Variants in MARVELD2 observed in about 807,000 individuals in gnomAD.
MARVELD2 encodes MARVEL domain-containing protein 2.
A neutral mutation model predicts 57.6 loss-of-function variants in MARVELD2; 49 were observed. That is an observed-to-expected ratio of 0.85 (90% CI 0.68 to 1.08). The LOEUF is 1.08. MARVELD2 is among the 50% of genes least tolerant of loss of function. The probability of loss-of-function intolerance (pLI) is 0.00; values close to 1 mark genes in which losing one functional copy is unlikely to be tolerated. For missense variants in MARVELD2, 606 were observed against 701.1 expected (o/e 0.86, Z 1.53); for synonymous variants, 238 against 258.8 (o/e 0.92, Z 0.77).
At chr5:69,436,339 C>T (rs560305714) in intron 5 of MARVELD2, among the ~76,000 whole-genome samples, 8 of 147,326 alleles carry the variant, frequency 5.4e-5, no homozygotes, top group African/African-American at 7.5e-5. Flanking sequence ...CCAGCCTGGG[C>T]GACAGAGCCA....
rs750882265 is a variant in MARVELD2, at chr5:69,420,276, C to T, written c.891C>T (p.Asn297=). The T allele has an allele frequency of 6.8e-6, 11 of 1,614,144 alleles. No individual in the cohort carries two copies. In the East Asian group the frequency reaches 1.6e-4, roughly 23 times the overall value. ...NWWPLTEFGI[N]VALFILYMAA... is the part of the protein sequence containing the mutation. Reference sequence around the variant, plus strand: ...GGCCCCTAACTGAATTTGGAATTAACGTTGCCTTGTTTATTTTGTATATGG... The same window carrying T: ...GGCCCCTAACTGAATTTGGAATTAATGTTGCCTTGTTTATTTTGTATATGG... Residue 297 remains asparagine, a synonymous_variant, in exon 2 of 7, where the codon AAC becomes AAT. Coordinates refer to ENST00000325631, the MANE Select transcript of MARVELD2 (RefSeq NM_001038603.3).
At chr5:69,431,712 T>C (rs144308283) in intron 3 of MARVELD2, among the ~76,000 whole-genome samples, 2 of 152,180 alleles carry the variant, frequency 1.3e-5, no homozygotes, top group African/African-American at 2.4e-5. Context: ...CCCTTAGCTA[T>C]TACAGAAACG....
At position 69,420,157 on chromosome 5, in the gene MARVELD2, G is replaced by A. The variant is rs538355586; in HGVS notation, c.772G>A (p.Val258Met). ...TGGCCCTAAGACCCCTTTTGTACTCGTGGTTGCTGGATTAGCTTGGATCAC... is the reference window on the plus strand; with the variant it reads ...TGGCCCTAAGACCCCTTTTGTACTCATGGTTGCTGGATTAGCTTGGATCAC... ...YTGPKTPFVLVVAGLAWITTI... is the reference protein window; with the variant it reads ...YTGPKTPFVLMVAGLAWITTI... The change falls in exon 2 of 7, where the codon GTG (valine) becomes ATG (methionine). Residue 258 changes from valine (V) to methionine (M), a missense_variant. Coordinates refer to ENST00000325631, the MANE Select transcript of MARVELD2 (RefSeq NM_001038603.3). 1.1e-5 allele frequency: 18 copies of A among 1,614,134 alleles called. No homozygotes were observed. The highest frequency in any genetic ancestry group is 6.7e-5 in the East Asian group (3 of 44,882).
chr5:69,437,112 C>G (rs1291646495), intron 5 of MARVELD2, among the ~76,000 whole-genome samples: 1 of 151,696 alleles, frequency 6.6e-6, no homozygotes, highest in Non-Finnish European at 1.5e-5. Context: ...TTGCTTGAAC[C>G]CGGGAGTCGG....
intron 2 of MARVELD2, among the ~76,000 whole-genome samples, chr5:69,420,791 G>A (rs1353000458): frequency 6.6e-6 from 1 of 151,800 alleles, no homozygotes; most frequent in African/African-American, 2.4e-5. Context: ...TATATAGTTT[G>A]TTGGCTGCAT....
intron 5 of MARVELD2, among the ~76,000 whole-genome samples, chr5:69,437,018 G>A (rs150214217): frequency 2.3e-3 from 344 of 151,514 alleles, no homozygotes; most frequent in African/African-American, 7.9e-3. Context: ...GTGAAACCGC[G>A]TCTCTACTAA....
chr5:69,421,582 A>G (rs1316929098), intron 2 of MARVELD2, among the ~76,000 whole-genome samples: 3 of 152,096 alleles, frequency 2.0e-5, no homozygotes, highest in African/African-American at 7.2e-5. Context: ...CTTTTGCTTG[A>G]ATCTGATGCA....
Position 69,420,087 on chromosome 5 carries a change from A to C in MARVELD2, c.702A>C (p.Gly234=). Residue 234 remains glycine, a synonymous_variant, in exon 2 of 7, where the codon GGA becomes GGC. Transcript: ENST00000325631. The part of the protein sequence containing the change: ...LFGYSQPYGM[G]GVGGLGSMYG... ...GATATTCACAACCGTATGGCATGGG[A>C]GGCGTTGGTGGATTGGGCAGTATGT... The C allele has an allele frequency of 6.2e-7, 1 of 1,614,068 alleles. No individual in the cohort carries two copies. Among genetic ancestry groups the C allele is most frequent in the Non-Finnish European group, 8.5e-7 (1 of 1,180,010 alleles).
At chr5:69,420,604 A>T in intron 2 of MARVELD2, 73 bp downstream of exon 2, 2 of 1,408,846 alleles carry the variant, frequency 1.4e-6, no homozygotes, top group East Asian at 2.3e-5. Flanking sequence ...TTGTTAAAAA[A>T]TGTATAGCGC....
chr5:69,415,198 G>A (rs1265657138), intron 1 of MARVELD2, 28 bp downstream of exon 1: 1 of 152,344 alleles, frequency 6.6e-6, no homozygotes, highest in African/African-American at 2.4e-5. Context: ...GGGGCCACGT[G>A]ACCGGGAGAG....
chr5:69,422,049 C>T (rs1284231255), intron 2 of MARVELD2, among the ~76,000 whole-genome samples: 1 of 151,836 alleles, frequency 6.6e-6, no homozygotes, highest in Non-Finnish European at 1.5e-5. Flanking sequence ...CAATCAATAC[C>T]CTTGTGATTT....
chr5:69,428,076 A>G (rs1264798157), intron 3 of MARVELD2, among the ~76,000 whole-genome samples: 1 of 151,856 alleles, frequency 6.6e-6, no homozygotes, highest in Non-Finnish European at 1.5e-5. Context: ...GTGCCACTGC[A>G]CTCCAGCCTG....
In MARVELD2 at chr5:69,420,015, T is replaced by A; in HGVS notation, c.630T>A (p.Cys210Ter). 1 of 1,614,156 alleles carries A rather than the reference T, an allele frequency of 6.2e-7. No homozygotes were observed. Among genetic ancestry groups the A allele is most frequent in the Non-Finnish European group, 8.5e-7 (1 of 1,180,026 alleles). ...ELLLGAGVFA[C>*]VTAYIHKDSE... Reference sequence around the variant, plus strand: ...TTTTGGGGGCCGGTGTCTTTGCTTGTGTCACAGCTTACATTCACAAGGACA... The same window carrying A: ...TTTTGGGGGCCGGTGTCTTTGCTTGAGTCACAGCTTACATTCACAAGGACA... The change falls in exon 2 of 7, where the codon TGT becomes TGA. Residue 210 changes from cysteine (C) to a stop codon, truncating the protein, a stop_gained. Transcript: ENST00000325631. LOFTEE classifies it high-confidence loss of function.
At chr5:69,438,613 A>C (rs951741390) in intron 5 of MARVELD2, among the ~76,000 whole-genome samples, 4 of 152,074 alleles carry the variant, frequency 2.6e-5, no homozygotes, top group Non-Finnish European at 5.9e-5. Flanking sequence ...GCGGCCGGTC[A>C]TGGTGGCTCA....
chr5:69,428,140 T>C (rs1273367990), intron 3 of MARVELD2, among the ~76,000 whole-genome samples: 2 of 147,764 alleles, frequency 1.4e-5, no homozygotes, highest in Middle Eastern at 3.6e-3. Context: ...CCCAATAGAG[T>C]TTTCCAAACT....
At chr5:69,434,180 AT>A (rs1174847999) in intron 5 of MARVELD2, among the ~76,000 whole-genome samples, 1 of 152,016 alleles carries the variant, frequency 6.6e-6, no homozygotes, top group Admixed American at 6.6e-5. Context: ...GAGAGCAGAA[AT>A]GGCCAGGCGC....
At chr5:69,427,153 T>G (rs1045774638) in intron 3 of MARVELD2, among the ~76,000 whole-genome samples, 1 of 152,218 alleles carries the variant, frequency 6.6e-6, no homozygotes, top group South Asian at 2.1e-4. Flanking sequence ...AGACTACTTT[T>G]AAAAGAAATA....
intron 6 of MARVELD2, 135 bp downstream of exon 6, chr5:69,440,635 G>T (rs1486516922): frequency 6.5e-6 from 4 of 612,582 alleles, no homozygotes; most frequent in East Asian, 2.9e-5. Flanking sequence ...GAAAATGGCT[G>T]CTGGATGCCA....
intron 2 of MARVELD2, 80 bp downstream of exon 2, chr5:69,420,611 G>A: frequency 7.3e-7 from 1 of 1,362,846 alleles, no homozygotes. Context: ...AAAATGTATA[G>A]CGCTCAAAAC....
Sources: gnomAD v4.1 joint callset for allele counts (sites outside exome capture counted in the v4.1 genomes callset) on GRCh38, gnomAD v4.1.1 for gene constraint, MANE v1.5 for transcripts, NCBI Gene and HGNC (gene_info 2026-07-23, HGNC 2026-07-21) for gene names.